Variants in PDE4D observed in about 807,000 individuals in gnomAD.
PDE4D encodes 3',5'-cyclic-AMP phosphodiesterase 4D.
PDE4D carries 24 observed loss-of-function variants against 87.4 expected under a neutral mutation model. That is an observed-to-expected ratio of 0.27 (90% CI 0.20 to 0.39). The LOEUF (loss-of-function observed/expected upper bound fraction) is 0.39. Ranked by LOEUF, PDE4D falls within the 10% of genes least tolerant of loss-of-function variation. The pLI is 1.00. For missense variants in PDE4D, 714 were observed against 1,041.0 expected, an observed-to-expected ratio of 0.69 and a Z score of 4.32; for synonymous variants, 384 against 383.2, an observed-to-expected ratio of 1.00 and a Z score of -0.02.
chr5:60,242,043 T>C (rs1263307748), intron 1 of PDE4D, among the ~76,000 whole-genome samples: 1 of 152,102 alleles, frequency 6.6e-6, no homozygotes, highest in Non-Finnish European at 1.5e-5. Context: ...TACCCTAGAA[T>C]AGTATATCTG....
intron 1 of PDE4D, among the ~76,000 whole-genome samples, chr5:59,840,390 C>G (rs919010314): frequency 6.6e-6 from 1 of 151,958 alleles, no homozygotes; most frequent in African/African-American, 2.4e-5. Flanking sequence ...CTTTGCTCCT[C>G]TGTAAGCCTC....
chr5:59,115,920 A>G (rs1036045754), intron 5 of PDE4D, among the ~76,000 whole-genome samples: 11 of 152,182 alleles, frequency 7.2e-5, no homozygotes, highest in African/African-American at 2.7e-4. Flanking sequence ...TAATAGTTTT[A>G]AAATAACTTT....
chr5:59,425,353 T>C (rs1795039405), intron 1 of PDE4D, among the ~76,000 whole-genome samples: 1 of 152,200 alleles, frequency 6.6e-6, no homozygotes, highest in African/African-American at 2.4e-5. Context: ...TTAGCACTAC[T>C]GACATTCTGG....
intron 1 of PDE4D, among the ~76,000 whole-genome samples, chr5:59,335,266 T>C (rs1393160440): frequency 6.6e-6 from 1 of 151,822 alleles, no homozygotes; most frequent in Non-Finnish European, 1.5e-5. Flanking sequence ...CTCAGATTGC[T>C]TTCCTGTGCC....
rs562665170 is a variant in PDE4D, at chr5:60,503,895, G to A, written n.70+18156C>T. On this transcript the variant is annotated intron_variant and non_coding_transcript_variant, in intron 1 of 2. Transcript: ENST00000506510. ...AGGAAATTCCAAAGATATGAAAGATGTGTTTCTTGACCTTTGTAAGCTTCA... is the reference window on the plus strand; with the variant it reads ...AGGAAATTCCAAAGATATGAAAGATATGTTTCTTGACCTTTGTAAGCTTCA... 5.9e-5 allele frequency among the ~76,000 whole-genome samples: 9 copies of A among 152,270 alleles called. No homozygotes were observed. In the South Asian group the frequency reaches 1.7e-3, roughly 28 times the overall value.
At chr5:60,468,141 T>TTTTTTTG (rs1160832960) in intron 1 of PDE4D, among the ~76,000 whole-genome samples, 3 of 149,320 alleles carry the variant, frequency 2.0e-5, no homozygotes, top group Non-Finnish European at 3.0e-5. Flanking sequence ...TTTTTTCTTT[T>TTTTTTTG]TTTTTTGTTT....
rs566066791 is a variant in PDE4D at position 59,139,156 on chromosome 5, C to T, written c.808+41439G>A. ...AGGGGATGCACATGGGAGAAAGGAA[C>T]CTAGAAAGGTAAGTCGCAGACAATG... On this transcript the variant is annotated intron_variant, in intron 5 of 14. Transcript: ENST00000340635. 3.3e-5 allele frequency among the ~76,000 whole-genome samples: 5 copies of T among 152,218 alleles called. No individual in the cohort carries two copies. The South Asian group carries it at 8.3e-4, about 25-fold the overall frequency.
chr5:60,277,712 TAACTC>T (rs1339908941), intron 1 of PDE4D, among the ~76,000 whole-genome samples: 2 of 152,158 alleles, frequency 1.3e-5, no homozygotes, highest in African/African-American at 4.8e-5. Context: ...TGCTAGGGCT[TAACTC>T]TACTGTTTTA....
chr5:59,733,706 G>A (rs74575987), intron 1 of PDE4D, among the ~76,000 whole-genome samples: 1 of 151,830 alleles, frequency 6.6e-6, no homozygotes, highest in Non-Finnish European at 1.5e-5. Flanking sequence ...TTGTTTTTGT[G>A]AATGGTAATA....
intron 1 of PDE4D, among the ~76,000 whole-genome samples, chr5:59,292,248 AC>A (rs757715016): frequency 6.6e-6 from 1 of 152,058 alleles, no homozygotes; most frequent in Admixed American, 6.6e-5. Context: ...CAGATAGTTA[AC>A]CTTTTTCTTG....
At chr5:60,322,545 C>A (rs1279815916) in intron 1 of PDE4D, among the ~76,000 whole-genome samples, 2 of 152,132 alleles carry the variant, frequency 1.3e-5, no homozygotes, top group Non-Finnish European at 2.9e-5. Flanking sequence ...TAGGTGAATT[C>A]TCTTATCTTT....
chr5:59,687,488 A>G (rs1750086578), intron 1 of PDE4D, among the ~76,000 whole-genome samples: 1 of 152,198 alleles, frequency 6.6e-6, no homozygotes, highest in East Asian at 1.9e-4. Context: ...TCATAAGTGA[A>G]GGAGAAATAA....
At chr5:60,000,822 T>G (rs1338682025) in intron 2 of PDE4D, among the ~76,000 whole-genome samples, 1 of 152,192 alleles carries the variant, frequency 6.6e-6, no homozygotes, top group African/African-American at 2.4e-5. Context: ...TGTATAGAGC[T>G]GTCTGCTAAC....
chr5:59,186,320 C>T (rs1406591365), intron 3 of PDE4D, among the ~76,000 whole-genome samples: 2 of 152,122 alleles, frequency 1.3e-5, no homozygotes, highest in South Asian at 2.1e-4. Flanking sequence ...ATACCTACCT[C>T]GTAGAATTGT....
intron 1 of PDE4D, among the ~76,000 whole-genome samples, chr5:59,847,977 A>G (rs1744113039): frequency 6.6e-6 from 1 of 152,098 alleles, no homozygotes; most frequent in African/African-American, 2.4e-5. Flanking sequence ...ATTTCATAAC[A>G]TATAATTGAG....
At chr5:59,835,569 A>G (rs1741894905) in intron 1 of PDE4D, among the ~76,000 whole-genome samples, 1 of 152,062 alleles carries the variant, frequency 6.6e-6, no homozygotes, top group Non-Finnish European at 1.5e-5. Context: ...ACACACCTGC[A>G]TACATATACA....
intron 1 of PDE4D, among the ~76,000 whole-genome samples, chr5:59,825,002 G>C (rs1323885283): frequency 6.6e-6 from 1 of 152,114 alleles, no homozygotes; most frequent in African/African-American, 2.4e-5. Context: ...AATAGCACTA[G>C]AGCATCACTT....
At chr5:60,163,110 T>C (rs1782600003) in intron 2 of PDE4D, among the ~76,000 whole-genome samples, 1 of 152,148 alleles carries the variant, frequency 6.6e-6, no homozygotes, top group Non-Finnish European at 1.5e-5. Context: ...AAAAGAGGTA[T>C]ATGGGCTTAT....
intron 1 of PDE4D, among the ~76,000 whole-genome samples, chr5:59,611,439 C>A (rs1427308765): frequency 3.3e-5 from 5 of 152,056 alleles, no homozygotes; most frequent in African/African-American, 1.2e-4. Flanking sequence ...CTGGTTTAAC[C>A]CATATGGCTC....
Sources: allele counts gnomAD v4.1 joint callset (sites outside exome capture counted in the v4.1 genomes callset), GRCh38; gene constraint gnomAD v4.1.1; transcripts MANE v1.5; gene names NCBI Gene and HGNC (gene_info 2026-07-23, HGNC 2026-07-21).